The following COL18A1 variants were observed in gnomAD, a reference collection of about 807,000 sequenced individuals.
COL18A1 encodes collagen alpha-1(XVIII) chain.
In COL18A1, 133 loss-of-function variants were observed where a neutral mutation model predicts 168.0. The observed-to-expected ratio is 0.79, with a 90% CI of 0.69 to 0.91. COL18A1 has a LOEUF of 0.91. Ranked by LOEUF, COL18A1 falls within the 40% of genes least tolerant of loss-of-function variation. The probability of loss-of-function intolerance (pLI) is 0.00; values close to 1 mark genes in which losing one functional copy is unlikely to be tolerated. For missense variants in COL18A1, 2,126 were observed against 1,925.4 expected (o/e 1.10, Z -1.95); for synonymous variants, 949 against 809.0 (o/e 1.17, Z -2.94).
Position 45,471,154 on chromosome 21 carries a change from G to A in COL18A1, c.651+2368G>A, listed in dbSNP as rs2035416255. Among the ~76,000 whole-genome samples, 2 of 151,906 alleles carry A rather than the reference G, an allele frequency of 1.3e-5. No individual in the cohort carries two copies. Among genetic ancestry groups the A allele is most frequent in the African/African-American group, 2.4e-5 (1 of 41,376 alleles). ...CCTTGTGCTGCTGGGCGTGGGTGGCGTGCAGCAGGCCGTGTGCTGCTGGGC... is the reference window on the plus strand; with the variant it reads ...CCTTGTGCTGCTGGGCGTGGGTGGCATGCAGCAGGCCGTGTGCTGCTGGGC... On this transcript the variant is annotated intron_variant, in intron 3 of 41. Transcript: ENST00000651438. The surrounding 1 kb of genome is among the most constrained non-coding windows in gnomAD (Gnocchi z 4.4).
At chr21:45,406,608 G>A (rs1247728840) in intron 2 of COL18A1, among the ~76,000 whole-genome samples, 2 of 152,076 alleles carry the variant, frequency 1.3e-5, no homozygotes, top group Admixed American at 1.3e-4. Context: ...AGCGGCCCAG[G>A]GTCACTCGGG....
chr21:45,484,240 A>ATGCACG, intron 15 of COL18A1, among the ~76,000 whole-genome samples: 1 of 149,262 alleles, frequency 6.7e-6, no homozygotes, highest in East Asian at 2.0e-4. Flanking sequence ...GTGCACACAC[A>ATGCACG]CCTCTCCAGC....
intron 2 of COL18A1, among the ~76,000 whole-genome samples, chr21:45,439,881 C>G (rs2034321723): frequency 6.6e-6 from 1 of 152,262 alleles, no homozygotes. Flanking sequence ...GTGAATGTAG[C>G]AAGGAGTGGG....
intron 32 of COL18A1, among the ~76,000 whole-genome samples, chr21:45,503,709 C>T (rs561118456): frequency 3.9e-4 from 59 of 151,710 alleles, no homozygotes; most frequent in East Asian, 7.7e-4. Context: ...GTGGGTGCAG[C>T]ACACCAGCAT....
rs1250638720 is a variant in COL18A1 at position 45,473,759 on chromosome 21, GGC to G, written c.652-135_652-134del. ...ATGAGGCATACCGCACCCCCAGGGA[GGC>G]TGCCCGAGACCCCTTCCCTCTCCGA... On this transcript the variant is annotated intron_variant, in intron 3 of 41. Transcript: ENST00000651438. This position sits in a 1 kb window ranked among gnomAD's most constrained non-coding sequence, Gnocchi z 4.0. 39 of 750,318 alleles carry G rather than the reference GGC, an allele frequency of 5.2e-5. No homozygotes were observed. In the Admixed American group the frequency reaches 7.7e-4, roughly 15 times the overall value. 46.5% of individuals were successfully genotyped at this position (750,318 alleles called of 1,614,324 possible). A position where few individuals can be genotyped will look rare whatever the true frequency, so the allele number is the denominator to read the frequency against.
intron 17 of COL18A1, among the ~76,000 whole-genome samples, chr21:45,488,180 C>T (rs1040771684): frequency 6.6e-6 from 1 of 152,268 alleles, no homozygotes; most frequent in Non-Finnish European, 1.5e-5. Context: ...CTGTTGAGAG[C>T]ACGGGTGGCT....
At position 45,484,382 on chromosome 21, in the gene COL18A1, A is replaced by C. The variant is rs557434554; in HGVS notation, c.1701+1561A>C. Among the ~76,000 whole-genome samples, 2 of 123,218 alleles carry C rather than the reference A, an allele frequency of 1.6e-5. 1 individual carries two copies. The highest frequency in any genetic ancestry group is 6.9e-5 in the African/African-American group (2 of 28,996). The allele number at this position is 123,218 out of a possible 152,430, so 80.8% of individuals were successfully genotyped here. Reference sequence around the variant, plus strand: ...CGCACACACATACACGCACACACACATCTCCAGCATGTGTGTACACACACA... The same window carrying C: ...CGCACACACATACACGCACACACACCTCTCCAGCATGTGTGTACACACACA... On this transcript the variant is annotated intron_variant, in intron 15 of 41. Coordinates refer to ENST00000651438, the MANE Select transcript of COL18A1 (RefSeq NM_001379500.1).
chr21:45,512,054 G>C (rs2037641708), intron 41 of COL18A1, 134 bp from the exon 42 acceptor site: 1 of 947,812 alleles, frequency 1.1e-6, no homozygotes, highest in Non-Finnish European at 1.7e-6. Flanking sequence ...TGGCCCTCCA[G>C]GTTGTGGGAG....
At position 45,488,064 on chromosome 21, in the gene COL18A1, C is replaced by A. The variant is rs79571325; in HGVS notation, c.1897-354C>A. ...CACTGTCCCCTCCACACCACCAGCG[C>A]TCTCGTGGCGCCAGCATGGAGGAGC... is the stretch of plus-strand genomic sequence containing the variant. On this transcript the variant is annotated intron_variant, in intron 17 of 41. Transcript: ENST00000651438. 3.2e-4 allele frequency among the ~76,000 whole-genome samples: 49 copies of A among 152,334 alleles called. 1 individual carries two copies. In the East Asian group the frequency reaches 8.1e-3, roughly 25 times the overall value.
At chr21:45,455,844 A>T (rs529405045) in intron 2 of COL18A1, 2 of 1,613,142 alleles carry the variant, frequency 1.2e-6, no homozygotes, top group South Asian at 2.2e-5. Context: ...GCGCCAGAGG[A>T]GAACATTGCC....
intron 2 of COL18A1, chr21:45,456,927 C>T: frequency 7.3e-7 from 1 of 1,370,222 alleles, no homozygotes; most frequent in Non-Finnish European, 9.5e-7. Flanking sequence ...TTTTGCCTTG[C>T]CAGGTAAGTG....
intron 2 of COL18A1, among the ~76,000 whole-genome samples, chr21:45,406,319 G>A (rs1477182060): frequency 6.6e-6 from 1 of 152,164 alleles, no homozygotes; most frequent in Non-Finnish European, 1.5e-5. Context: ...CCTCCGACTC[G>A]ACTCCACACC....
intron 32 of COL18A1, 199 bp from the exon 33 acceptor site, chr21:45,503,812 A>G: frequency 2.8e-6 from 1 of 357,174 alleles, no homozygotes; most frequent in East Asian, 4.6e-5. Context: ...TTTAAAAATA[A>G]AATAAAAATA....
In COL18A1 at chr21:45,509,489, TGCCCGA is replaced by T. The variant is rs761460663; in HGVS notation, c.3388_3393del (p.Glu1130_Pro1131del). On this transcript the variant is annotated inframe_deletion, in exon 39 of 42. Transcript: ENST00000651438. ...GACATCCTGGCCAGCCCCCCTCGCCTGCCCGAGCCCCAGCCCTACCCCGGAGCCCCG... is the reference window on the plus strand; with the variant it reads ...GACATCCTGGCCAGCCCCCCTCGCCTGCCCCAGCCCTACCCCGGAGCCCCG... The T allele has an allele frequency of 2.3e-5, 35 of 1,524,260 alleles. No individual in the cohort carries two copies. Among genetic ancestry groups the T allele is most frequent in the Non-Finnish European group, 3.0e-5 (34 of 1,132,170 alleles). 94.4% of individuals were successfully genotyped at this position (1,524,260 alleles called of 1,614,324 possible).
intron 2 of COL18A1, among the ~76,000 whole-genome samples, chr21:45,412,619 C>A (rs1211892588): frequency 6.6e-6 from 1 of 152,180 alleles, no homozygotes; most frequent in Non-Finnish European, 1.5e-5. Flanking sequence ...CCTGGAGTGG[C>A]CAGCAGAGCT....
intron 2 of COL18A1, among the ~76,000 whole-genome samples, chr21:45,416,858 G>T (rs565021810): frequency 1.3e-5 from 2 of 152,052 alleles, no homozygotes; most frequent in African/African-American, 4.8e-5. Flanking sequence ...GCATATGCTC[G>T]TTCTGCATAT....
intron 32 of COL18A1, among the ~76,000 whole-genome samples, chr21:45,500,086 AGTGT>A (rs60652486): frequency 0.27 from 40,235 of 150,330 alleles, 5,435 homozygotes; most frequent in African/African-American, 0.32. Context: ...GTGTGTGTGG[AGTGT>A]GTGTATGTGG....
In COL18A1 at chr21:45,498,299, C is replaced by G. The variant is rs944085346; in HGVS notation, c.2683+638C>G. The G allele has an allele frequency of 2.1e-5, 15 of 706,214 alleles. No individual in the cohort carries two copies. In the Admixed American group the frequency reaches 3.0e-4, roughly 14 times the overall value. 43.7% of individuals were successfully genotyped at this position (706,214 alleles called of 1,614,324 possible). A position where few individuals can be genotyped will look rare whatever the true frequency, so the allele number is the denominator to read the frequency against. On this transcript the variant is annotated intron_variant, in intron 32 of 41. Coordinates refer to ENST00000651438, the MANE Select transcript of COL18A1 (RefSeq NM_001379500.1). The surrounding 1 kb of genome is among the most constrained non-coding windows in gnomAD (Gnocchi z 4.5). ...TCGGGCGCCTTTCACCACCAGGGTCCCCTCTCGCCGCCACGGTCCCCTCTC... is the reference window on the plus strand; with the variant it reads ...TCGGGCGCCTTTCACCACCAGGGTCGCCTCTCGCCGCCACGGTCCCCTCTC...
In COL18A1 at chr21:45,498,286, C is replaced by A; in HGVS notation, c.2683+625C>A. On this transcript the variant is annotated intron_variant, in intron 32 of 41. Coordinates refer to ENST00000651438, the MANE Select transcript of COL18A1 (RefSeq NM_001379500.1). The surrounding 1 kb of genome is among the most constrained non-coding windows in gnomAD (Gnocchi z 4.5). ...AGCCAGGCTAGCCTCGGGCGCCTTT[C>A]ACCACCAGGGTCCCCTCTCGCCGCC... The A allele has an allele frequency of 1.4e-6, 1 of 708,696 alleles. No individual in the cohort carries two copies. 43.9% of individuals were successfully genotyped at this position (708,696 alleles called of 1,614,324 possible).
Sources: gnomAD v4.1 joint callset for allele counts (sites outside exome capture counted in the v4.1 genomes callset) on GRCh38, gnomAD v4.1.1 for gene constraint, Gnocchi (gnomAD v3.1) non-coding constraint, MANE v1.5 for transcripts, NCBI Gene and HGNC (gene_info 2026-07-23, HGNC 2026-07-21) for gene names.